The following CAMK4 variants were observed in gnomAD, a reference collection of about 807,000 sequenced individuals.
CAMK4 encodes calcium/calmodulin dependent protein kinase IV, also known as calcium/calmodulin-dependent protein kinase type IV.
A neutral mutation model predicts 44.9 loss-of-function variants in CAMK4; 22 were observed. The ratio of observed to expected loss-of-function variants is 0.49; its 90% CI spans 0.35 to 0.70. The LOEUF is 0.70. CAMK4 is among the 30% of genes least tolerant of loss of function. The probability of loss-of-function intolerance (pLI) is 0.01; values close to 1 mark genes in which losing one functional copy is unlikely to be tolerated. For synonymous variants in CAMK4, 218 were observed against 215.4 expected, an observed-to-expected ratio of 1.01 and a Z score of -0.11; for missense variants, 498 against 586.8, an observed-to-expected ratio of 0.85 and a Z score of 1.56.
At chr5:111,328,256 A>G (rs1329306749) in intron 1 of CAMK4, among the ~76,000 whole-genome samples, 2 of 151,322 alleles carry the variant, frequency 1.3e-5, no homozygotes, top group Non-Finnish European at 2.9e-5. Flanking sequence ...AGCACCATTT[A>G]TTAAATAGGG....
chr5:111,446,467 T>G (rs1215559605), intron 5 of CAMK4, among the ~76,000 whole-genome samples: 3 of 152,214 alleles, frequency 2.0e-5, no homozygotes, highest in African/African-American at 7.2e-5. Flanking sequence ...TGGGAATAGA[T>G]TCTATACAAT....
At chr5:111,227,893 A>G (rs1276891186) in intron 1 of CAMK4, among the ~76,000 whole-genome samples, 1 of 152,218 alleles carries the variant, frequency 6.6e-6, no homozygotes, top group African/African-American at 2.4e-5. Context: ...ATTGGCCATG[A>G]TCCTATTCAG....
chr5:111,397,675 G>A (rs919622386), intron 5 of CAMK4, among the ~76,000 whole-genome samples: 1 of 133,530 alleles, frequency 7.5e-6, no homozygotes, highest in Non-Finnish European at 1.6e-5. Context: ...GTGTGTGTGT[G>A]TGTGTGTGTG....
chr5:111,350,798 T>C (rs1750074657), intron 2 of CAMK4, among the ~76,000 whole-genome samples: 1 of 152,146 alleles, frequency 6.6e-6, no homozygotes, highest in Non-Finnish European at 1.5e-5. Flanking sequence ...TCTCAGTTAA[T>C]CAAAGAAGCA....
At chr5:111,252,026 T>C (rs1322901050) in intron 1 of CAMK4, among the ~76,000 whole-genome samples, 5 of 152,224 alleles carry the variant, frequency 3.3e-5, no homozygotes, top group Non-Finnish European at 4.4e-5. Flanking sequence ...TTGTGTTACT[T>C]CTGGAGTCGT....
rs1749081543 is a variant in CAMK4, at chr5:111,243,167, G to A, written c.161+18523G>A. Among the ~76,000 whole-genome samples, 3 of 152,188 alleles carry A rather than the reference G, an allele frequency of 2.0e-5. No homozygotes were observed. In the South Asian group the frequency reaches 6.2e-4, roughly 31 times the overall value. On this transcript the variant is annotated intron_variant, in intron 1 of 10. Transcript: ENST00000282356. ...CCACTGCAATGGGGTCCTGCAGTGG[G>A]GAAGAGAAAGATTGGGCTTAACTCC...
At chr5:111,467,299 C>G (rs1214729345) in intron 7 of CAMK4, among the ~76,000 whole-genome samples, 1 of 143,192 alleles carries the variant, frequency 7.0e-6, no homozygotes, top group Admixed American at 7.1e-5. Flanking sequence ...GACCAAGAAC[C>G]CAAAAGCAAA....
intron 1 of CAMK4, among the ~76,000 whole-genome samples, chr5:111,240,754 C>T (rs960052390): frequency 1.3e-5 from 2 of 152,198 alleles, no homozygotes; most frequent in African/African-American, 4.8e-5. Context: ...TTGGATATCA[C>T]AGCCTTTCAA....
intron 7 of CAMK4, among the ~76,000 whole-genome samples, chr5:111,471,732 ACTC>A (rs1255144858): frequency 6.6e-6 from 1 of 151,932 alleles, no homozygotes; most frequent in Non-Finnish European, 1.5e-5. Flanking sequence ...CCTTTTGAAG[ACTC>A]CTCATATTTT....
intron 5 of CAMK4, among the ~76,000 whole-genome samples, chr5:111,403,248 A>T (rs1240986003): frequency 6.6e-6 from 1 of 152,212 alleles, no homozygotes; most frequent in Non-Finnish European, 1.5e-5. Context: ...TGCTTTTGAC[A>T]CTTGTTTTTT....
chr5:111,294,580 A>G (rs1009705231), intron 1 of CAMK4, among the ~76,000 whole-genome samples: 2 of 152,178 alleles, frequency 1.3e-5, no homozygotes, highest in Non-Finnish European at 2.9e-5. Context: ...CAAAAGCAAG[A>G]TGGTGATATC....
At chr5:111,467,101 C>G (rs375552759) in intron 7 of CAMK4, among the ~76,000 whole-genome samples, 2 of 151,934 alleles carry the variant, frequency 1.3e-5, no homozygotes, top group African/African-American at 4.8e-5. Context: ...ATACCCTATT[C>G]GACAAATGGT....
intron 1 of CAMK4, among the ~76,000 whole-genome samples, chr5:111,313,025 C>T (rs1283019557): frequency 6.6e-6 from 1 of 152,002 alleles, no homozygotes; most frequent in African/African-American, 2.4e-5. Context: ...AAGGGATGCC[C>T]CTTCTATTCT....
intron 1 of CAMK4, among the ~76,000 whole-genome samples, chr5:111,293,291 T>C (rs1364871608): frequency 6.6e-6 from 1 of 152,204 alleles, no homozygotes; most frequent in Admixed American, 6.5e-5. Flanking sequence ...ACACCTTCAG[T>C]TAAATGTTGA....
intron 1 of CAMK4, among the ~76,000 whole-genome samples, chr5:111,232,352 G>A (rs1313896251): frequency 6.6e-6 from 1 of 152,148 alleles, no homozygotes; most frequent in Non-Finnish European, 1.5e-5. Context: ...GGACTGGGGT[G>A]TCTTTATGGG....
chr5:111,469,739 G>A (rs1754997559), intron 7 of CAMK4, among the ~76,000 whole-genome samples: 1 of 152,176 alleles, frequency 6.6e-6, no homozygotes, highest in Non-Finnish European at 1.5e-5. Context: ...GAAGAAATGA[G>A]AAATGCAACA....
intron 5 of CAMK4, among the ~76,000 whole-genome samples, chr5:111,399,742 T>C (rs1331692740): frequency 2.0e-5 from 3 of 152,230 alleles, no homozygotes; most frequent in Admixed American, 2.0e-4. Context: ...ATTCTTTTTA[T>C]TTCCTTACTA....
chr5:111,248,906 C>T (rs775177593), intron 1 of CAMK4, among the ~76,000 whole-genome samples: 2 of 151,604 alleles, frequency 1.3e-5, no homozygotes, highest in Non-Finnish European at 2.9e-5. Context: ...CCATAGGTCC[C>T]TGAACTGTAT....
intron 4 of CAMK4, among the ~76,000 whole-genome samples, chr5:111,393,741 GA>G (rs1751895241): frequency 6.6e-6 from 1 of 152,024 alleles, no homozygotes; most frequent in African/African-American, 2.4e-5. Context: ...GAAGGAGAGA[GA>G]AGATCAGGAA....
Sources: allele counts gnomAD v4.1 joint callset (sites outside exome capture counted in the v4.1 genomes callset), GRCh38; gene constraint gnomAD v4.1.1; transcripts MANE v1.5; gene names NCBI Gene and HGNC (gene_info 2026-07-23, HGNC 2026-07-21).